PCDHGA10: variants seen among roughly 807,000 people sequenced by gnomAD.
PCDHGA10 encodes protocadherin gamma subfamily A, 10.
In PCDHGA10, 42 loss-of-function variants were observed where a neutral mutation model predicts 59.5. The observed-to-expected ratio is 0.71, with a 90% CI of 0.55 to 0.91. The LOEUF (loss-of-function observed/expected upper bound fraction) is 0.91. Ranked by LOEUF, PCDHGA10 falls within the 40% of genes least tolerant of loss-of-function variation. The pLI is 0.00. For synonymous variants in PCDHGA10, 511 were observed against 517.2 expected, an observed-to-expected ratio of 0.99 and a Z score of 0.16; for missense variants, 1,111 against 1,198.2, an observed-to-expected ratio of 0.93 and a Z score of 1.07.
chr5:141,413,524 A>T lies in PCDHGA10; in HGVS notation c.349A>T (p.Arg117Trp), dbSNP rs772774054. The T allele has an allele frequency of 9.3e-6, 15 of 1,613,856 alleles. No individual in the cohort carries two copies. In the Admixed American group the frequency reaches 2.5e-4, roughly 27 times the overall value. ...VVSFNILVEDRVKLFGIEIEV... is the reference protein window; with the variant it reads ...VVSFNILVEDWVKLFGIEIEV... ...GAGTTTTAATATCCTTGTGGAAGACAGGGTGAAACTTTTTGGGATAGAAAT... is the reference window on the plus strand; with the variant it reads ...GAGTTTTAATATCCTTGTGGAAGACTGGGTGAAACTTTTTGGGATAGAAAT... Residue 117 changes from arginine (R) to tryptophan (W), a missense_variant, in exon 1 of 4, where the codon AGG (arginine) becomes TGG (tryptophan). Coordinates refer to ENST00000398610, the MANE Select transcript of PCDHGA10 (RefSeq NM_018913.3).
rs2095826068 is a variant in PCDHGA10, at chr5:141,415,078, GC to G, written c.1906del (p.Leu636CysfsTer12). 1 of 1,613,376 alleles carries G rather than the reference GC, an allele frequency of 6.2e-7. No homozygotes were observed. The highest frequency in any genetic ancestry group is 8.5e-7 in the Non-Finnish European group (1 of 1,179,962). ...EHTGEVRTAR[A>X]LLDRDALKQS... ...CACGGGCGAGGTGCGCACGGCGCGA[GC>G]CCTGCTGGACAGAGACGCGCTCAAG... On this transcript the variant is annotated frameshift_variant, in exon 1 of 4. Coordinates refer to ENST00000398610, the MANE Select transcript of PCDHGA10 (RefSeq NM_018913.3). LOFTEE classifies it high-confidence loss of function.
At chr5:141,419,635 G>A in intron 1 of PCDHGA10, 1 of 1,612,480 alleles carries the variant, frequency 6.2e-7, no homozygotes, top group African/African-American at 1.3e-5. Flanking sequence ...CCAAGGTGGT[G>A]GCCGTGGACG....
At position 141,486,783 on chromosome 5, in the gene PCDHGA10, C is replaced by A. The variant is rs905423670; in HGVS notation, c.2437-8024C>A. ...CAGACACTGCAGTTTGAGGTGCAGG[C>A]CCGGGATCGGGGCAACCCACCCCTT... On this transcript the variant is annotated intron_variant, in intron 1 of 3. Transcript: ENST00000398610. The surrounding 1 kb of genome is among the most constrained non-coding windows in gnomAD (Gnocchi z 5.0). 6.2e-7 allele frequency: 1 copy of A among 1,614,102 alleles called. No homozygotes were observed.
chr5:141,420,065 G>T, intron 1 of PCDHGA10: 1 of 1,614,018 alleles, frequency 6.2e-7, no homozygotes, highest in East Asian at 2.2e-5. Flanking sequence ...CTCCAAGTCC[G>T]GACCTGTGGG....
At chr5:141,510,626 AGGTG>A (rs2099882005) in intron 3 of PCDHGA10, among the ~76,000 whole-genome samples, 1 of 152,144 alleles carries the variant, frequency 6.6e-6, no homozygotes, top group Admixed American at 6.5e-5. Context: ...AAACCAGAAG[AGGTG>A]GTTACCATTA....
At chr5:141,438,282 T>C (rs915347472) in intron 1 of PCDHGA10, among the ~76,000 whole-genome samples, 1 of 151,630 alleles carries the variant, frequency 6.6e-6, no homozygotes, top group African/African-American at 2.4e-5. Context: ...CAAAATAATT[T>C]AATCTGTATG....
intron 1 of PCDHGA10, chr5:141,478,843 C>G: frequency 7.2e-7 from 1 of 1,398,442 alleles, no homozygotes; most frequent in South Asian, 1.5e-5. Flanking sequence ...GATGGTTAAG[C>G]TAAAACACAA....
chr5:141,490,421 C>T lies in PCDHGA10; in HGVS notation c.2437-4386C>T. On this transcript the variant is annotated intron_variant, in intron 1 of 3. Coordinates refer to ENST00000398610, the MANE Select transcript of PCDHGA10 (RefSeq NM_018913.3). The surrounding 1 kb of genome is among the most constrained non-coding windows in gnomAD (Gnocchi z 5.4). ...AGCCTTGATATCTCTCCGGACCTGCCATTTCAGATTAAGCCTTCTGAGAAC... is the reference window on the plus strand; with the variant it reads ...AGCCTTGATATCTCTCCGGACCTGCTATTTCAGATTAAGCCTTCTGAGAAC... 1 of 1,614,192 alleles carries T rather than the reference C, an allele frequency of 6.2e-7. No homozygotes were observed. The highest frequency in any genetic ancestry group is 8.5e-7 in the Non-Finnish European group (1 of 1,180,016).
At chr5:141,502,288 G>C (rs2099813700) in intron 2 of PCDHGA10, among the ~76,000 whole-genome samples, 1 of 151,338 alleles carries the variant, frequency 6.6e-6, no homozygotes, top group African/African-American at 2.5e-5. Flanking sequence ...ATTGCATTTG[G>C]TTGTCACGTC....
chr5:141,504,786 C>T (rs568185327), intron 2 of PCDHGA10, among the ~76,000 whole-genome samples: 1 of 152,132 alleles, frequency 6.6e-6, no homozygotes, highest in Non-Finnish European at 1.5e-5. Flanking sequence ...TCTCTTGGGG[C>T]CTCCTACATC....
rs747077639 is a variant in PCDHGA10, at chr5:141,432,371, G to C, written c.2436+16760G>C. 2 of 1,614,234 alleles carry C rather than the reference G, an allele frequency of 1.2e-6. No individual in the cohort carries two copies. The highest frequency in any genetic ancestry group is 1.6e-4 in the Middle Eastern group (1 of 6,062). ...AGTGAAAGTGATGGCGCGGGACAAC[G>C]GGCACCCGCCCCTCAGCAGCAACGT... On this transcript the variant is annotated intron_variant, in intron 1 of 3. Transcript: ENST00000398610. The surrounding 1 kb of genome is among the most constrained non-coding windows in gnomAD (Gnocchi z 6.0).
intron 1 of PCDHGA10, among the ~76,000 whole-genome samples, chr5:141,483,725 C>T (rs903001715): frequency 1.3e-5 from 2 of 152,008 alleles, no homozygotes; most frequent in Non-Finnish European, 1.5e-5. Context: ...TGGTTCCCAC[C>T]ATAGTCAAAA....
chr5:141,477,221 A>G lies in PCDHGA10; in HGVS notation c.2437-17586A>G, dbSNP rs771608717. 1 of 1,614,178 alleles carries G rather than the reference A, an allele frequency of 6.2e-7. No homozygotes were observed. The highest frequency in any genetic ancestry group is 8.5e-7 in the Non-Finnish European group (1 of 1,180,044). ...AGTACCCGAGGATGCCCCTCTGGGG[A>G]CTGTCATCGCTTTGCTCAGTGTGAC... On this transcript the variant is annotated intron_variant, in intron 1 of 3. Coordinates refer to ENST00000398610, the MANE Select transcript of PCDHGA10 (RefSeq NM_018913.3). This position sits in a 1 kb window ranked among gnomAD's most constrained non-coding sequence, Gnocchi z 4.9.
Position 141,489,898 on chromosome 5 carries a change from C to T in PCDHGA10, c.2437-4909C>T. On this transcript the variant is annotated intron_variant, in intron 1 of 3. Transcript: ENST00000398610. The surrounding 1 kb of genome is among the most constrained non-coding windows in gnomAD (Gnocchi z 4.5). ...GCTTACTGCTGTGGATGGGGGGACC[C>T]CAGCCCGCTCAGGGACCACCCTTAT... 6.2e-7 allele frequency: 1 copy of T among 1,614,216 alleles called. No homozygotes were observed. Among genetic ancestry groups the T allele is most frequent in the Non-Finnish European group, 8.5e-7 (1 of 1,180,036 alleles).
chr5:141,490,030 C>G lies in PCDHGA10; in HGVS notation c.2437-4777C>G, dbSNP rs1361758608. The G allele has an allele frequency of 1.2e-6, 2 of 1,614,150 alleles. No individual in the cohort carries two copies. Among genetic ancestry groups the G allele is most frequent in the African/African-American group, 2.7e-5 (2 of 74,936 alleles). The stretch of plus-strand genomic sequence containing the variant: ...ACCCATTGGTACTCTGCTGCTCCGC[C>G]TCAATGCCACTGATCCAGACGAGGG... On this transcript the variant is annotated intron_variant, in intron 1 of 3. Coordinates refer to ENST00000398610, the MANE Select transcript of PCDHGA10 (RefSeq NM_018913.3). This position sits in a 1 kb window ranked among gnomAD's most constrained non-coding sequence, Gnocchi z 5.4.
chr5:141,491,528 C>T lies in PCDHGA10; in HGVS notation c.2437-3279C>T, dbSNP rs745806026. ...GGCACGCTCAAGTACATGGAGGTGACGCTGCGGCCCACAGACTCGCAGAGC... is the reference window on the plus strand; with the variant it reads ...GGCACGCTCAAGTACATGGAGGTGATGCTGCGGCCCACAGACTCGCAGAGC... On this transcript the variant is annotated intron_variant, in intron 1 of 3. Coordinates refer to ENST00000398610, the MANE Select transcript of PCDHGA10 (RefSeq NM_018913.3). The surrounding 1 kb of genome is among the most constrained non-coding windows in gnomAD (Gnocchi z 6.9). 4 of 1,613,950 alleles carry T rather than the reference C, an allele frequency of 2.5e-6. No individual in the cohort carries two copies. Among genetic ancestry groups the T allele is most frequent in the South Asian group, 1.1e-5 (1 of 91,092 alleles).
rs1032345173 is a variant in PCDHGA10 at position 141,468,852 on chromosome 5, C to T, written c.2437-25955C>T. Among the ~76,000 whole-genome samples the T allele has an allele frequency of 7.2e-5, 11 of 151,868 alleles. No individual in the cohort carries two copies. In the East Asian group the frequency reaches 9.7e-4, roughly 13 times the overall value. On this transcript the variant is annotated intron_variant, in intron 1 of 3. Transcript: ENST00000398610. ...CTGCACTCCAGCCTGGGCAACAGAG[C>T]GAGACTCCATCTCAAAAATAATAAT... is the stretch of plus-strand genomic sequence containing the variant.
rs768812729 is a variant in PCDHGA10, at chr5:141,491,543, A to T, written c.2437-3264A>T. 2.5e-6 allele frequency: 4 copies of T among 1,613,842 alleles called. No individual in the cohort carries two copies. The highest frequency in any genetic ancestry group is 3.4e-6 in the Non-Finnish European group (4 of 1,179,982). The stretch of plus-strand genomic sequence containing the variant: ...ATGGAGGTGACGCTGCGGCCCACAG[A>T]CTCGCAGAGCCACTGCTACAGGACG... On this transcript the variant is annotated intron_variant, in intron 1 of 3. Transcript: ENST00000398610. This position sits in a 1 kb window ranked among gnomAD's most constrained non-coding sequence, Gnocchi z 6.9.
At chr5:141,438,739 G>A (rs1264194876) in intron 1 of PCDHGA10, among the ~76,000 whole-genome samples, 1 of 149,040 alleles carries the variant, frequency 6.7e-6, no homozygotes, top group African/African-American at 2.5e-5. Context: ...TCAGCTCACT[G>A]CAACCTCTGC....
Sources: gnomAD v4.1 joint callset for allele counts (sites outside exome capture counted in the v4.1 genomes callset) on GRCh38, gnomAD v4.1.1 for gene constraint, Gnocchi (gnomAD v3.1) non-coding constraint, MANE v1.5 for transcripts, NCBI Gene and HGNC (gene_info 2026-07-23, HGNC 2026-07-21) for gene names.